CDH12: variants seen among roughly 807,000 people sequenced by gnomAD.
The protein encoded by CDH12 is cadherin 12.
In CDH12, 41 loss-of-function variants were observed where a neutral mutation model predicts 74.1. The observed-to-expected ratio is 0.55, with a 90% CI of 0.43 to 0.72. The LOEUF (loss-of-function observed/expected upper bound fraction) is 0.72, where lower values mean the gene tolerates loss of function less well. CDH12 is among the 30% of genes least tolerant of loss of function. CDH12 has a pLI of 0.00. For missense variants in CDH12, 945 were observed against 977.2 expected, an observed-to-expected ratio of 0.97 and a Z score of 0.44; for synonymous variants, 399 against 355.0, an observed-to-expected ratio of 1.12 and a Z score of -1.39.
chr5:22,487,632 T>G (rs368647194), intron 2 of CDH12, among the ~76,000 whole-genome samples: 3 of 152,312 alleles, frequency 2.0e-5, no homozygotes, highest in South Asian at 4.1e-4. Flanking sequence ...TAAAAATGTA[T>G]GTCAATATAT....
chr5:22,101,884 G>A (rs1744157074), intron 4 of CDH12, among the ~76,000 whole-genome samples: 1 of 152,094 alleles, frequency 6.6e-6, no homozygotes, highest in South Asian at 2.1e-4. Context: ...GGAGCTTAAG[G>A]TCTCTGTCGC....
At chr5:21,858,480 A>C (rs559963814) in intron 6 of CDH12, among the ~76,000 whole-genome samples, 17 of 152,008 alleles carry the variant, frequency 1.1e-4, no homozygotes, top group Non-Finnish European at 1.6e-4. Context: ...TTGAGAATTC[A>C]TACATATAAT....
chr5:22,655,357 C>T (rs1273837518), intron 1 of CDH12, among the ~76,000 whole-genome samples: 8 of 152,150 alleles, frequency 5.3e-5, no homozygotes, highest in African/African-American at 1.9e-4. Context: ...AAAGAAGCTT[C>T]GGTGTCCTCC....
intron 1 of CDH12, among the ~76,000 whole-genome samples, chr5:22,752,115 A>G (rs1390279910): frequency 6.6e-6 from 1 of 152,170 alleles, no homozygotes; most frequent in Non-Finnish European, 1.5e-5. Context: ...TTACTCCAAC[A>G]TCTGCTATTT....
intron 6 of CDH12, among the ~76,000 whole-genome samples, chr5:21,950,484 A>C (rs1755800851): frequency 6.6e-6 from 1 of 152,110 alleles, no homozygotes; most frequent in African/African-American, 2.4e-5. Context: ...ACAACATATA[A>C]ATTGTTAAAC....
intron 11 of CDH12, chr5:21,779,441 T>A (rs1043247320): frequency 6.6e-6 from 1 of 152,192 alleles, no homozygotes; most frequent in Non-Finnish European, 1.5e-5. Context: ...AACTTTCTGA[T>A]AATTTGAATG....
chr5:22,523,629 T>C (rs972591312), intron 1 of CDH12, among the ~76,000 whole-genome samples: 1 of 152,224 alleles, frequency 6.6e-6, no homozygotes, highest in Non-Finnish European at 1.5e-5. Flanking sequence ...GCTCCTCATT[T>C]ATTATTGACT....
intron 1 of CDH12, among the ~76,000 whole-genome samples, chr5:22,725,025 A>G (rs1246753293): frequency 1.3e-5 from 2 of 151,812 alleles, no homozygotes; most frequent in Admixed American, 6.6e-5. Context: ...GGACTTTGCT[A>G]TCTTTGAGGT....
chr5:22,129,146 G>T (rs975508156), intron 4 of CDH12, among the ~76,000 whole-genome samples: 6 of 152,204 alleles, frequency 3.9e-5, no homozygotes, highest in African/African-American at 1.4e-4. Flanking sequence ...TAAATTAAAT[G>T]TAGGATAATA....
chr5:22,585,873 C>A (rs542357461), intron 1 of CDH12, among the ~76,000 whole-genome samples: 11 of 151,990 alleles, frequency 7.2e-5, no homozygotes, highest in Non-Finnish European at 1.3e-4. Flanking sequence ...GCAATAGGAA[C>A]AATTTTACAC....
At chr5:22,262,518 T>C (rs1291169206) in intron 3 of CDH12, among the ~76,000 whole-genome samples, 1 of 151,510 alleles carries the variant, frequency 6.6e-6, no homozygotes, top group Non-Finnish European at 1.5e-5. Context: ...TCTATCATTG[T>C]TGGACATTTG....
At chr5:21,851,027 T>C (rs62348751) in intron 7 of CDH12, among the ~76,000 whole-genome samples, 5,196 of 151,346 alleles carry the variant, frequency 0.034, 147 homozygotes, top group Non-Finnish European at 0.051. Flanking sequence ...GTAAAAATTG[T>C]CAATTTTATA....
At position 22,123,331 on chromosome 5, in the gene CDH12, G is replaced by A. The variant is rs115696705; in HGVS notation, c.-186-44469C>T. On this transcript the variant is annotated intron_variant, in intron 4 of 14. Transcript: ENST00000382254. ...CTTGGCCTTCCCAGCCTCCAGTGCT[G>A]TGAGAAATAAATCTGTTGTTAGTAA... 5.3e-3 allele frequency among the ~76,000 whole-genome samples: 800 copies of A among 152,304 alleles called. 7 individuals carry two copies. Among genetic ancestry groups the A allele is most frequent in the African/African-American group, 0.018 (754 of 41,576 alleles).
chr5:22,678,699 T>C (rs1284268776), intron 1 of CDH12, among the ~76,000 whole-genome samples: 1 of 152,150 alleles, frequency 6.6e-6, no homozygotes, highest in Non-Finnish European at 1.5e-5. Context: ...ACTTCTTTAG[T>C]ACTAGATATT....
At chr5:22,582,844 G>A (rs1740173658) in intron 1 of CDH12, among the ~76,000 whole-genome samples, 1 of 152,212 alleles carries the variant, frequency 6.6e-6, no homozygotes, top group Non-Finnish European at 1.5e-5. Context: ...CAAACTAGAG[G>A]CAAAGGAGCT....
At chr5:22,337,386 G>A (rs975448029) in intron 3 of CDH12, among the ~76,000 whole-genome samples, 1 of 152,178 alleles carries the variant, frequency 6.6e-6, no homozygotes, top group African/African-American at 2.4e-5. Flanking sequence ...GGGGTGGAAT[G>A]ATATGGTTTG....
Position 22,193,614 on chromosome 5 carries a change from G to A in CDH12, c.-187+18884C>T, listed in dbSNP as rs1750429388. 3.9e-5 allele frequency among the ~76,000 whole-genome samples: 6 copies of A among 151,998 alleles called. No individual in the cohort carries two copies. The South Asian group carries it at 1.3e-3, about 32-fold the overall frequency. On this transcript the variant is annotated intron_variant, in intron 4 of 14. Transcript: ENST00000382254. ...GAAATTATAGTTCATTTTTTATTCT[G>A]GCTGTTGTCTTCTTTGAAACTTTTT...
intron 3 of CDH12, among the ~76,000 whole-genome samples, chr5:22,303,893 C>A (rs1248415548): frequency 1.3e-5 from 2 of 152,000 alleles, no homozygotes; most frequent in Non-Finnish European, 2.9e-5. Context: ...TTCCACCGCA[C>A]CATGGTGATA....
intron 13 of CDH12, among the ~76,000 whole-genome samples, chr5:21,756,748 A>G (rs1304335977): frequency 6.6e-6 from 1 of 152,184 alleles, no homozygotes. Context: ...ATAACACTTG[A>G]GAATAAGGTG....
Sources: gnomAD v4.1 joint callset for allele counts (sites outside exome capture counted in the v4.1 genomes callset) on GRCh38, gnomAD v4.1.1 for gene constraint, MANE v1.5 for transcripts, NCBI Gene and HGNC (gene_info 2026-07-23, HGNC 2026-07-21) for gene names.